The following APLF variants were observed in gnomAD, a reference collection of about 807,000 sequenced individuals.
The protein encoded by APLF is aprataxin and PNK-like factor.
Under a neutral mutation model 55.6 loss-of-function variants are expected in APLF, and 61 were observed. The ratio of observed to expected loss-of-function variants is 1.10; its 90% CI spans 0.89 to 1.36. The LOEUF (loss-of-function observed/expected upper bound fraction) is 1.36, where lower values mean the gene tolerates loss of function less well. Among genes scored for constraint, APLF ranks in the 40% most tolerant of loss-of-function variants. The pLI is 0.00. For synonymous variants in APLF, 207 were observed against 214.8 expected (o/e 0.96, Z 0.32); for missense variants, 611 against 602.5 (o/e 1.01, Z -0.15).
At chr2:68,468,802 G>A (rs1044989003) in intron 1 of APLF, among the ~76,000 whole-genome samples, 1 of 152,178 alleles carries the variant, frequency 6.6e-6, no homozygotes, top group Non-Finnish European at 1.5e-5. Flanking sequence ...CCCTTTAGGA[G>A]TTTTCTCTTG....
chr2:68,548,839 T>C (rs979268463), intron 8 of APLF, among the ~76,000 whole-genome samples: 2 of 151,986 alleles, frequency 1.3e-5, no homozygotes, highest in African/African-American at 2.4e-5. Context: ...ACCTAGTTTG[T>C]GCAGCTATCG....
chr2:68,555,313 A>C (rs1670974821), intron 8 of APLF, among the ~76,000 whole-genome samples: 2 of 152,324 alleles, frequency 1.3e-5, no homozygotes, highest in South Asian at 4.1e-4. Flanking sequence ...AATAGCTGGG[A>C]CTTAATTAAA....
intron 6 of APLF, among the ~76,000 whole-genome samples, chr2:68,527,323 T>A (rs990576555): frequency 2.6e-5 from 4 of 151,304 alleles, no homozygotes; most frequent in African/African-American, 9.7e-5. Context: ...GCTCCTCATT[T>A]CCCAGACGGT....
rs778004443 is a variant in APLF, at chr2:68,526,129, C to A, written c.691C>A (p.Gln231Lys). 6 of 1,613,830 alleles carry A rather than the reference C, an allele frequency of 3.7e-6. No homozygotes were observed. The highest frequency in any genetic ancestry group is 5.1e-6 in the Non-Finnish European group (6 of 1,179,952). The change falls in exon 6 of 10, where the codon CAA (glutamine) becomes AAA (lysine). Residue 231 changes from glutamine to lysine, a missense_variant. By Grantham distance (53) the Gln-to-Lys change is moderately conservative (BLOSUM62 1). Coordinates refer to ENST00000303795, the MANE Select transcript of APLF (RefSeq NM_173545.3). ...KDKSQLNTTQ[Q>K]GRRQLISSGS... Reference sequence around the variant, plus strand: ...TAAATCCCAGCTAAACACAACCCAGCAAGGAAGAAGGCAATTAATTTCATC... The same window carrying A: ...TAAATCCCAGCTAAACACAACCCAGAAAGGAAGAAGGCAATTAATTTCATC...
intron 5 of APLF, among the ~76,000 whole-genome samples, chr2:68,519,241 A>T (rs1669817447): frequency 7.2e-6 from 1 of 139,760 alleles, no homozygotes; most frequent in Non-Finnish European, 1.5e-5. Flanking sequence ...TATATTATAT[A>T]TTATATATCA....
chr2:68,530,401 G>A (rs1006084779), intron 6 of APLF, among the ~76,000 whole-genome samples: 11 of 152,132 alleles, frequency 7.2e-5, no homozygotes, highest in Admixed American at 2.0e-4. Context: ...CCAGTTGTCA[G>A]CACAGCACCA....
intron 5 of APLF, chr2:68,515,739 A>T: frequency 1.7e-5 from 17 of 982,988 alleles, no homozygotes; most frequent in Non-Finnish European, 2.1e-5. Flanking sequence ...GGATTCAGGT[A>T]ATCTTTTTAT....
chr2:68,467,878 C>G, intron 1 of APLF, 51 bp downstream of exon 1: 1 of 1,211,442 alleles, frequency 8.3e-7, no homozygotes. Context: ...GAGTTCCGCG[C>G]CGGCTCCTGA....
At chr2:68,504,813 A>C (rs1676827542) in intron 3 of APLF, among the ~76,000 whole-genome samples, 1 of 152,056 alleles carries the variant, frequency 6.6e-6, no homozygotes, top group African/African-American at 2.4e-5. Context: ...TGTCTATTAT[A>C]TGATTACATT....
In APLF at chr2:68,525,748, T is replaced by C. The variant is rs1241815474; in HGVS notation, c.623-313T>C. ...CTTTTTATTTTCTTTCTTTCTTTTT[T>C]TTTTTTTTTTTTTTTTTTTAACACA... On this transcript the variant is annotated intron_variant, in intron 5 of 9. Coordinates refer to ENST00000303795, the MANE Select transcript of APLF (RefSeq NM_173545.3). Among the ~76,000 whole-genome samples, 12 of 129,306 alleles carry C rather than the reference T, an allele frequency of 9.3e-5. No homozygotes were observed. The South Asian group carries it at 9.7e-4, about 10-fold the overall frequency. 84.8% of individuals were successfully genotyped at this position (129,306 alleles called of 152,430 possible).
chr2:68,487,504 A>T (rs1676222242), intron 1 of APLF, among the ~76,000 whole-genome samples: 1 of 152,138 alleles, frequency 6.6e-6, no homozygotes, highest in South Asian at 2.1e-4. Flanking sequence ...ATCTTCACAG[A>T]TTTTGTGAAG....
At chr2:68,469,405 C>T (rs945069547) in intron 1 of APLF, among the ~76,000 whole-genome samples, 1 of 152,058 alleles carries the variant, frequency 6.6e-6, no homozygotes, top group African/African-American at 2.4e-5. Flanking sequence ...TTATTTGTAG[C>T]TTGTTCTTTG....
At chr2:68,478,517 G>C (rs541031894) in intron 1 of APLF, among the ~76,000 whole-genome samples, 1 of 152,292 alleles carries the variant, frequency 6.6e-6, no homozygotes, top group East Asian at 1.9e-4. Flanking sequence ...AAGATCTAAA[G>C]CTCGAGAATT....
intron 8 of APLF, among the ~76,000 whole-genome samples, chr2:68,562,458 G>A (rs773481763): frequency 4.6e-5 from 7 of 151,956 alleles, no homozygotes; most frequent in South Asian, 2.1e-4. Context: ...CCCTCCAGCC[G>A]CTGATTTGAC....
Position 68,577,995 on chromosome 2 carries a change from A to T in APLF, c.1509A>T (p.Glu503Asp), listed in dbSNP as rs755008385. 86 of 1,613,054 alleles carry T rather than the reference A, an allele frequency of 5.3e-5. No homozygotes were observed. Among genetic ancestry groups the T allele is most frequent in the Non-Finnish European group, 6.7e-5 (79 of 1,179,570 alleles). The change falls in exon 10 of 10, where the codon GAA (glutamate) becomes GAT (aspartate). Residue 503 changes from glutamate to aspartate, a missense_variant. Glu to Asp is a conservative substitution (Grantham distance 45). Coordinates refer to ENST00000303795, the MANE Select transcript of APLF (RefSeq NM_173545.3). ...EKEDVEELLK[E>D]AKRFMKRK Reference sequence around the variant, plus strand: ...AAGATGTGGAAGAGCTTTTGAAAGAAGCAAAAAGGTTTATGAAAAGAAAAT... The same window carrying T: ...AAGATGTGGAAGAGCTTTTGAAAGATGCAAAAAGGTTTATGAAAAGAAAAT...
At chr2:68,483,970 C>G (rs1676048843) in intron 1 of APLF, among the ~76,000 whole-genome samples, 1 of 152,122 alleles carries the variant, frequency 6.6e-6, no homozygotes, top group Non-Finnish European at 1.5e-5. Context: ...AGGTACCACC[C>G]TATTCTATTT....
chr2:68,532,867 G>T (rs975717976), intron 6 of APLF, among the ~76,000 whole-genome samples: 42 of 152,164 alleles, frequency 2.8e-4, no homozygotes, highest in Non-Finnish European at 7.3e-5. Flanking sequence ...TGGGAGGTGG[G>T]CCTAATGGGA....
At chr2:68,521,644 G>A (rs1254613399) in intron 5 of APLF, among the ~76,000 whole-genome samples, 1 of 151,776 alleles carries the variant, frequency 6.6e-6, no homozygotes, top group Non-Finnish European at 1.5e-5. Flanking sequence ...TCTTAGGTTA[G>A]GATACTCCTG....
At chr2:68,540,938 T>A (rs952593647) in intron 7 of APLF, among the ~76,000 whole-genome samples, 6 of 152,088 alleles carry the variant, frequency 3.9e-5, no homozygotes, top group African/African-American at 1.4e-4. Flanking sequence ...TATAATGCAG[T>A]TTAATATTGG....
Sources: gnomAD v4.1 joint callset for allele counts (sites outside exome capture counted in the v4.1 genomes callset) on GRCh38, gnomAD v4.1.1 for gene constraint, MANE v1.5 for transcripts, NCBI Gene and HGNC (gene_info 2026-07-23, HGNC 2026-07-21) for gene names.